Variants in PPARGC1A observed in about 807,000 individuals in gnomAD.
PPARGC1A encodes PPARG coactivator 1 alpha.
In PPARGC1A, 25 loss-of-function variants were observed where a neutral mutation model predicts 88.7. The observed-to-expected ratio is 0.28, with a 90% CI of 0.21 to 0.39. The LOEUF is 0.39. Among genes scored for constraint, PPARGC1A ranks in the 10% least tolerant of loss-of-function variants. PPARGC1A has a pLI of 1.00. For missense variants in PPARGC1A, 880 were observed against 968.7 expected (o/e 0.91, Z 1.22); for synonymous variants, 363 against 355.6 (o/e 1.02, Z -0.24).
chr4:24,380,201 C>T, the PPARGC1A span, among the ~76,000 whole-genome samples: 1 of 152,032 alleles, frequency 6.6e-6, no homozygotes, highest in African/African-American at 2.4e-5. Context: ...GCTGAGAGCA[C>T]AGTACATGGG....
chr4:23,957,646 G>T, the PPARGC1A span, among the ~76,000 whole-genome samples: 47 of 152,142 alleles, frequency 3.1e-4, no homozygotes, highest in African/African-American at 1.1e-3. Flanking sequence ...GCATGCAACT[G>T]CAAAGAAAGC....
At chr4:24,445,411 C>T in the PPARGC1A span, among the ~76,000 whole-genome samples, 2 of 152,146 alleles carry the variant, frequency 1.3e-5, no homozygotes, top group Non-Finnish European at 2.9e-5. Context: ...TCCTTTTTGT[C>T]TATTCTGATG....
At chr4:23,872,471 G>T (rs971525894) in intron 2 of PPARGC1A, among the ~76,000 whole-genome samples, 1 of 152,100 alleles carries the variant, frequency 6.6e-6, no homozygotes, top group Non-Finnish European at 1.5e-5. Flanking sequence ...ATCTTGGTTT[G>T]GAATAGAATA....
the PPARGC1A span, among the ~76,000 whole-genome samples, chr4:24,338,914 T>C: frequency 5.3e-5 from 8 of 152,304 alleles, no homozygotes; most frequent in East Asian, 1.5e-3. Context: ...TTTATTATTG[T>C]GGTAAAATAT....
At chr4:24,255,339 A>G in the PPARGC1A span, among the ~76,000 whole-genome samples, 4 of 152,230 alleles carry the variant, frequency 2.6e-5, no homozygotes, top group Non-Finnish European at 5.9e-5. Context: ...GCAAATATGA[A>G]ATGTAATCAT....
chr4:23,987,271 C>G, the PPARGC1A span, among the ~76,000 whole-genome samples: 25 of 152,184 alleles, frequency 1.6e-4, no homozygotes, highest in Non-Finnish European at 2.9e-4. Context: ...AGGAATCCCT[C>G]TGCACCTGAA....
chr4:23,860,839 G>A (rs1314193288), intron 2 of PPARGC1A, among the ~76,000 whole-genome samples: 3 of 152,122 alleles, frequency 2.0e-5, no homozygotes. Flanking sequence ...GGAGAGAATT[G>A]GGTACCACTG....
the PPARGC1A span, among the ~76,000 whole-genome samples, chr4:24,101,479 T>C: frequency 1.3e-5 from 2 of 152,232 alleles, no homozygotes; most frequent in African/African-American, 4.8e-5. Context: ...ATCAGAAATG[T>C]TCTCCACATG....
the PPARGC1A span, among the ~76,000 whole-genome samples, chr4:24,251,678 C>T: frequency 6.6e-6 from 1 of 152,162 alleles, no homozygotes; most frequent in Non-Finnish European, 1.5e-5. Context: ...TTTATTTGGA[C>T]TTTATGAAGA....
chr4:23,914,777 T>C, the PPARGC1A span, among the ~76,000 whole-genome samples: 4 of 152,324 alleles, frequency 2.6e-5, no homozygotes, highest in South Asian at 6.2e-4. Context: ...TATCAAGATG[T>C]TTTCTATTAC....
the PPARGC1A span, among the ~76,000 whole-genome samples, chr4:24,192,751 A>AG: frequency 6.6e-6 from 1 of 152,240 alleles, no homozygotes; most frequent in African/African-American, 2.4e-5. Flanking sequence ...GTAATCAGTG[A>AG]GGGAAAGCAT....
At chr4:23,939,411 T>C in the PPARGC1A span, among the ~76,000 whole-genome samples, 1 of 152,322 alleles carries the variant, frequency 6.6e-6, no homozygotes, top group Admixed American at 6.5e-5. Context: ...AAATGTGTGT[T>C]TCACCTTATT....
the PPARGC1A span, among the ~76,000 whole-genome samples, chr4:24,430,999 C>G: frequency 6.6e-6 from 1 of 151,820 alleles, no homozygotes; most frequent in African/African-American, 2.4e-5. Context: ...TGGCGGGTGC[C>G]TGGTAATCCC....
chr4:24,323,799 T>A, the PPARGC1A span, among the ~76,000 whole-genome samples: 1 of 152,146 alleles, frequency 6.6e-6, no homozygotes, highest in Admixed American at 6.5e-5. Context: ...GTGAGAAAGA[T>A]CCACCTACGA....
the PPARGC1A span, among the ~76,000 whole-genome samples, chr4:24,138,975 T>TC: frequency 6.6e-6 from 1 of 152,178 alleles, no homozygotes; most frequent in East Asian, 1.9e-4. Flanking sequence ...GATAGTGTGA[T>TC]CCACCAAGGG....
At chr4:23,856,376 A>T (rs1730193745) in intron 2 of PPARGC1A, among the ~76,000 whole-genome samples, 1 of 152,208 alleles carries the variant, frequency 6.6e-6, no homozygotes, top group Non-Finnish European at 1.5e-5. Flanking sequence ...GTTTGTTTTA[A>T]CATACAAAAT....
At chr4:24,022,287 C>T in the PPARGC1A span, among the ~76,000 whole-genome samples, 15 of 152,014 alleles carry the variant, frequency 9.9e-5, no homozygotes, top group Non-Finnish European at 1.9e-4. Context: ...CAGTCTCTAT[C>T]ACTGGACCGA....
chr4:23,818,690 A>G (rs946082453), intron 7 of PPARGC1A, among the ~76,000 whole-genome samples: 8 of 152,032 alleles, frequency 5.3e-5, no homozygotes, highest in African/African-American at 1.4e-4. Context: ...AAAAAAGGCA[A>G]AGACAAGTTT....
At chr4:24,107,546 A>G in the PPARGC1A span, among the ~76,000 whole-genome samples, 1 of 152,224 alleles carries the variant, frequency 6.6e-6, no homozygotes, top group Non-Finnish European at 1.5e-5. Flanking sequence ...CTTTACTACC[A>G]GCCTTATTTT....
Sources: gnomAD v4.1 joint callset for allele counts (sites outside exome capture counted in the v4.1 genomes callset) on GRCh38, gnomAD v4.1.1 for gene constraint, MANE v1.5 for transcripts, NCBI Gene and HGNC (gene_info 2026-07-23, HGNC 2026-07-21) for gene names.